The following PLXNA4 variants were observed in gnomAD, a reference collection of about 807,000 sequenced individuals.
PLXNA4 encodes the protein plexin-A4.
Under a neutral mutation model 191.8 loss-of-function variants are expected in PLXNA4, and 44 were observed. That is an observed-to-expected ratio of 0.23 (90% CI 0.18 to 0.29). The LOEUF (loss-of-function observed/expected upper bound fraction) is 0.29, where lower values mean the gene tolerates loss of function less well. Among genes scored for constraint, PLXNA4 ranks in the 10% least tolerant of loss-of-function variants. The pLI is 1.00. For synonymous variants in PLXNA4, 1,082 were observed against 1,009.5 expected, an observed-to-expected ratio of 1.07 and a Z score of -1.36; for missense variants, 1,800 against 2,488.8, an observed-to-expected ratio of 0.72 and a Z score of 5.89.
chr7:132,145,962 T>C lies in PLXNA4; in HGVS notation c.5055+548A>G, dbSNP rs567420582. On this transcript the variant is annotated intron_variant, in intron 28 of 31. Transcript: ENST00000321063. ...TTAGCCAGGCGTGGTGGTGCATGCT[T>C]GTAGTTTCAGCTACTTGGGAGGCAG... Among the ~76,000 whole-genome samples the C allele has an allele frequency of 8.1e-4, 122 of 150,074 alleles. 4 individuals are homozygous for C. The South Asian group carries it at 0.025, about 31-fold the overall frequency.
chr7:132,416,555 A>G (rs933764247), intron 3 of PLXNA4, among the ~76,000 whole-genome samples: 95 of 152,332 alleles, frequency 6.2e-4, no homozygotes, highest in African/African-American at 2.3e-3. Context: ...CACAGAAAAT[A>G]TCAGAGTACT....
Position 132,197,692 on chromosome 7 carries a change from G to T in PLXNA4, c.2738+793C>A, listed in dbSNP as rs142685480. Among the ~76,000 whole-genome samples, 675 of 152,206 alleles carry T rather than the reference G, an allele frequency of 4.4e-3. 5 individuals carry two copies. The highest frequency in any genetic ancestry group is 0.015 in the African/African-American group (643 of 41,532). ...GATCTCATGGAAATCAGGAGGAATT[G>T]AGGATGGCTGTACTGATGGTTCAGA... is the stretch of plus-strand genomic sequence containing the variant. On this transcript the variant is annotated intron_variant, in intron 13 of 31. Coordinates refer to ENST00000321063, the MANE Select transcript of PLXNA4 (RefSeq NM_020911.2).
intron 28 of PLXNA4, among the ~76,000 whole-genome samples, chr7:132,145,854 G>A (rs1795411185): frequency 6.7e-6 from 1 of 148,494 alleles, no homozygotes; most frequent in Non-Finnish European, 1.5e-5. Context: ...CGGATCATTT[G>A]AGGCCAGGAG....
chr7:132,303,259 T>G (rs1289662883), intron 3 of PLXNA4, among the ~76,000 whole-genome samples: 1 of 151,728 alleles, frequency 6.6e-6, no homozygotes, highest in Non-Finnish European at 1.5e-5. Flanking sequence ...TTTTTTTTTT[T>G]TTTTTTTTGG....
chr7:132,445,884 C>T (rs1007292810), intron 3 of PLXNA4, among the ~76,000 whole-genome samples: 1 of 152,090 alleles, frequency 6.6e-6, no homozygotes, highest in African/African-American at 2.4e-5. Context: ...CTCAGGCTCA[C>T]GTGATAAGGT....
intron 25 of PLXNA4, among the ~76,000 whole-genome samples, chr7:132,148,947 T>C (rs1221738224): frequency 2.0e-5 from 3 of 152,156 alleles, no homozygotes; most frequent in Non-Finnish European, 4.4e-5. Context: ...TCAAAAAGTA[T>C]TGGCCAAACA....
At chr7:132,196,227 T>A (rs1797249952) in intron 13 of PLXNA4, among the ~76,000 whole-genome samples, 1 of 152,254 alleles carries the variant, frequency 6.6e-6, no homozygotes, top group African/African-American at 2.4e-5. Flanking sequence ...AGGGCTCTAG[T>A]CCCAGGAATC....
chr7:132,553,633 T>G (rs1800662756), intron 1 of PLXNA4, among the ~76,000 whole-genome samples: 1 of 152,210 alleles, frequency 6.6e-6, no homozygotes, highest in African/African-American at 2.4e-5. Flanking sequence ...AGTCTGCCAC[T>G]GGAACATGGT....
At chr7:132,486,510 C>T (rs529197928) in intron 3 of PLXNA4, among the ~76,000 whole-genome samples, 81 of 152,346 alleles carry the variant, frequency 5.3e-4, no homozygotes, top group Non-Finnish European at 5.9e-4. Flanking sequence ...GCACGGGAGC[C>T]GGGCTTGAGC....
At chr7:132,359,719 T>G (rs181403852) in intron 3 of PLXNA4, among the ~76,000 whole-genome samples, 148 of 152,242 alleles carry the variant, frequency 9.7e-4, no homozygotes, top group Non-Finnish European at 1.7e-3. Flanking sequence ...GAGATAAAAA[T>G]AGAGATTTGC....
chr7:132,272,763 A>G (rs1282873130), intron 4 of PLXNA4, among the ~76,000 whole-genome samples: 1 of 152,210 alleles, frequency 6.6e-6, no homozygotes, highest in African/African-American at 2.4e-5. Flanking sequence ...TGACTTTGTA[A>G]TGCTGTTCCT....
At chr7:132,294,946 G>C (rs1216422698) in intron 4 of PLXNA4, among the ~76,000 whole-genome samples, 1 of 152,166 alleles carries the variant, frequency 6.6e-6, no homozygotes, top group African/African-American at 2.4e-5. Flanking sequence ...TGTGATCCTG[G>C]ACTTCCAACA....
intron 1 of PLXNA4, among the ~76,000 whole-genome samples, chr7:132,555,246 T>C (rs1343226688): frequency 6.6e-6 from 1 of 152,074 alleles, no homozygotes; most frequent in Non-Finnish European, 1.5e-5. Context: ...AATAAAGGAA[T>C]CCCTACAAAT....
chr7:132,283,424 G>C (rs1310101428), intron 4 of PLXNA4, among the ~76,000 whole-genome samples: 1 of 152,226 alleles, frequency 6.6e-6, no homozygotes, highest in Admixed American at 6.5e-5. Context: ...ACCTAGGATA[G>C]AGAGATACGA....
Position 132,280,699 on chromosome 7 carries a change from G to A in PLXNA4, c.1503+17392C>T, listed in dbSNP as rs541653929. Among the ~76,000 whole-genome samples, 16 of 151,892 alleles carry A rather than the reference G, an allele frequency of 1.1e-4. No homozygotes were observed. The South Asian group carries it at 2.5e-3, about 24-fold the overall frequency. On this transcript the variant is annotated intron_variant, in intron 4 of 31. Coordinates refer to ENST00000321063, the MANE Select transcript of PLXNA4 (RefSeq NM_020911.2). ...CCCACTTTACCCACTCCTTTGCACC[G>A]TGGGTTCTATAGACTTTGAGCTGAG...
chr7:132,615,175 G>C (rs984780369), intron 2 of PLXNA4, among the ~76,000 whole-genome samples: 8 of 152,208 alleles, frequency 5.3e-5, no homozygotes, highest in Admixed American at 5.2e-4. Context: ...GAATCTGGGA[G>C]AGCTGAGATT....
intron 2 of PLXNA4, among the ~76,000 whole-genome samples, chr7:132,615,438 C>T (rs1237164554): frequency 1.3e-5 from 2 of 152,302 alleles, no homozygotes; most frequent in South Asian, 2.1e-4. Flanking sequence ...GCTCCCACCA[C>T]CGCAGGCGGC....
chr7:132,462,633 G>A (rs1403651307), intron 3 of PLXNA4, among the ~76,000 whole-genome samples: 2 of 151,762 alleles, frequency 1.3e-5, no homozygotes, highest in East Asian at 3.9e-4. Flanking sequence ...GTACAGACAG[G>A]GTCTCACTAT....
intron 4 of PLXNA4, among the ~76,000 whole-genome samples, chr7:132,283,241 A>T (rs1800554445): frequency 6.6e-6 from 1 of 152,232 alleles, no homozygotes; most frequent in Non-Finnish European, 1.5e-5. Context: ...CTAAATTAAG[A>T]ACATCTGAGA....
Sources: gnomAD v4.1 joint callset for allele counts (sites outside exome capture counted in the v4.1 genomes callset) on GRCh38, gnomAD v4.1.1 for gene constraint, MANE v1.5 for transcripts, NCBI Gene and HGNC (gene_info 2026-07-23, HGNC 2026-07-21) for gene names.